The following TNC variants were observed in gnomAD, a reference collection of about 807,000 sequenced individuals.
TNC encodes tenascin.
A neutral mutation model predicts 202.4 loss-of-function variants in TNC; 109 were observed. The ratio of observed to expected loss-of-function variants is 0.54; its 90% CI spans 0.46 to 0.63. The LOEUF is 0.63. Among genes scored for constraint, TNC ranks in the 30% least tolerant of loss-of-function variants. TNC has a pLI of 0.00. For missense variants in TNC, 2,756 were observed against 2,833.3 expected (o/e 0.97, Z 0.62); for synonymous variants, 1,007 against 1,089.7 (o/e 0.92, Z 1.50).
At chr9:115,055,223 G>T (rs762342346) in intron 15 of TNC, among the ~76,000 whole-genome samples, 9 of 152,150 alleles carry the variant, frequency 5.9e-5, no homozygotes, top group Non-Finnish European at 1.0e-4. Flanking sequence ...AAGCAAGTCA[G>T]GTTAACTTTA....
At chr9:115,112,137 T>C (rs954327582) in intron 1 of TNC, among the ~76,000 whole-genome samples, 1 of 152,252 alleles carries the variant, frequency 6.6e-6, no homozygotes, top group African/African-American at 2.4e-5. Flanking sequence ...TGCTCATTTT[T>C]CTTTTCTAAA....
At chr9:115,080,895 GAAA>G (rs35253785) in intron 6 of TNC, among the ~76,000 whole-genome samples, 11 of 136,102 alleles carry the variant, frequency 8.1e-5, no homozygotes, top group African/African-American at 2.4e-4. Flanking sequence ...CTGGGTGACA[GAAA>G]AAAAAAAAAA....
chr9:115,029,448 C>T lies in TNC; in HGVS notation c.6081G>A (p.Leu2027=). The T allele has an allele frequency of 6.2e-7, 1 of 1,614,160 alleles. No homozygotes were observed. Among genetic ancestry groups the T allele is most frequent in the Non-Finnish European group, 8.5e-7 (1 of 1,179,990 alleles). ...AGTTCTCGCGTCCGTTTTTGCGTCT[C>T]AGGAACACCTATAAACATATCGATG... ...TSDGGGWIVF[L]RRKNGRENFY... The change falls in exon 25 of 28, where the codon CTG becomes CTA. Residue 2027 remains leucine, a synonymous_variant. Coordinates refer to ENST00000350763, the MANE Select transcript of TNC (RefSeq NM_002160.4).
At position 115,057,161 on chromosome 9, in the gene TNC, G is replaced by A; in HGVS notation, c.4571C>T (p.Ala1524Val). The A allele has an allele frequency of 6.2e-7, 1 of 1,612,196 alleles. No homozygotes were observed. The highest frequency in any genetic ancestry group is 1.1e-5 in the South Asian group (1 of 90,828). The change falls in exon 15 of 28, where the codon GCC becomes GTC. Residue 1524 changes from alanine to valine, a missense_variant. Physicochemically the swap from Ala to Val is moderately conservative, Grantham distance 64. Transcript: ENST00000350763. ...SIRTKTISAT[A>V]TTEALPLLEN... ...GGAGAATGCACATGTACCTGTCGTG[G>A]CTGTGGCACTGATGGTTTTGGTCCG...
intron 22 of TNC, among the ~76,000 whole-genome samples, chr9:115,034,640 G>T (rs1830182639): frequency 6.6e-6 from 1 of 152,146 alleles, no homozygotes; most frequent in African/African-American, 2.4e-5. Context: ...TATAAAGTGA[G>T]ATAACCAAAA....
chr9:115,115,157 A>C (rs1837370881), intron 1 of TNC: 1 of 152,180 alleles, frequency 6.6e-6, no homozygotes, highest in African/African-American at 2.4e-5. Flanking sequence ...TAGCATTAGA[A>C]AGGGTAGGAT....
chr9:115,108,231 T>C (rs1454266498), intron 1 of TNC, among the ~76,000 whole-genome samples: 1 of 152,206 alleles, frequency 6.6e-6, no homozygotes, highest in African/African-American at 2.4e-5. Flanking sequence ...CCCTTTAAAA[T>C]CTATGAAGCC....
intron 1 of TNC, among the ~76,000 whole-genome samples, chr9:115,115,362 T>G (rs1198901755): frequency 6.6e-6 from 1 of 152,180 alleles, no homozygotes; most frequent in Non-Finnish European, 1.5e-5. Flanking sequence ...CACGGCAGAA[T>G]GTACCTCTGA....
At chr9:115,110,949 G>A (rs1434513657) in intron 1 of TNC, among the ~76,000 whole-genome samples, 8 of 150,360 alleles carry the variant, frequency 5.3e-5, no homozygotes, top group South Asian at 4.2e-4. Context: ...GTGTGATCTC[G>A]GCTAACTGCA....
chr9:115,087,312 G>A (rs762884103), intron 2 of TNC, 39 bp from the exon 3 acceptor site: 3 of 1,594,964 alleles, frequency 1.9e-6, no homozygotes, highest in East Asian at 2.2e-5. Context: ...CCAGGCTTAA[G>A]CAGCCACATT....
At position 115,042,200 on chromosome 9, in the gene TNC, C is replaced by T; in HGVS notation, c.5248+19G>A. On this transcript the variant is annotated intron_variant, in intron 18 of 27. Coordinates refer to ENST00000350763, the MANE Select transcript of TNC (RefSeq NM_002160.4). ...ACCCACAACACTCCTCCTCTCTCTCCCCTTTCCGAGTCTCCTACCTCCTGT... is the reference window on the plus strand; with the variant it reads ...ACCCACAACACTCCTCCTCTCTCTCTCCTTTCCGAGTCTCCTACCTCCTGT... 6.2e-7 allele frequency: 1 copy of T among 1,611,844 alleles called. No individual in the cohort carries two copies. Among genetic ancestry groups the T allele is most frequent in the Non-Finnish European group, 8.5e-7 (1 of 1,178,740 alleles).
chr9:115,095,935 T>A (rs369116539), intron 1 of TNC, among the ~76,000 whole-genome samples: 1 of 152,058 alleles, frequency 6.6e-6, no homozygotes, highest in East Asian at 1.9e-4. Context: ...AGTCTTTGCA[T>A]TGGCACAAAA....
chr9:115,030,361 G>T lies in TNC; in HGVS notation c.5965C>A (p.Leu1989Met), dbSNP rs754492878. 3.1e-6 allele frequency: 5 copies of T among 1,613,424 alleles called. No individual in the cohort carries two copies. The highest frequency in any genetic ancestry group is 2.2e-5 in the East Asian group (1 of 44,854). The change falls in exon 24 of 28, where the codon CTG becomes ATG. Residue 1989 changes from leucine to methionine, a missense_variant. Transcript: ENST00000350763. ...AGGCCAGAGGTCGTGTCTCCATTCA[G>T]CATTGCTTGGGAGCAGTCCTTGGGG... is the stretch of plus-strand genomic sequence containing the variant. ...PFPKDCSQAM[L>M]NGDTTSGLYT...
Position 115,042,293 on chromosome 9 carries a change from G to C in TNC, c.5174C>G (p.Ser1725Trp). 1 of 1,614,096 alleles carries C rather than the reference G, an allele frequency of 6.2e-7. No individual in the cohort carries two copies. The highest frequency in any genetic ancestry group is 8.5e-7 in the Non-Finnish European group (1 of 1,179,954). The change falls in exon 18 of 28, where the codon TCG (serine) becomes TGG (tryptophan). Residue 1725 changes from serine (S) to tryptophan (W), a missense_variant. Coordinates refer to ENST00000350763, the MANE Select transcript of TNC (RefSeq NM_002160.4). ...EVIFSDITEN[S>W]ATVSWRAPTA... ...GGGTGCCCTCCAGCTGACAGTAGCC[G>C]AATTTTCAGTGATGTCTGAGAAAAT...
At chr9:115,085,328 G>T (rs1834627670) in intron 3 of TNC, among the ~76,000 whole-genome samples, 1 of 152,084 alleles carries the variant, frequency 6.6e-6, no homozygotes. Context: ...TAGATAATAG[G>T]CATTTCGTCT....
chr9:115,045,105 G>T (rs1831073873), intron 17 of TNC, among the ~76,000 whole-genome samples: 1 of 151,972 alleles, frequency 6.6e-6, no homozygotes, highest in African/African-American at 2.4e-5. Context: ...TCACCATTCT[G>T]GTCCTCAGAG....
intron 1 of TNC, among the ~76,000 whole-genome samples, chr9:115,096,704 C>T (rs888257085): frequency 6.6e-6 from 1 of 152,168 alleles, no homozygotes; most frequent in African/African-American, 2.4e-5. Context: ...TTGTAGTTTC[C>T]ATACCTTACA....
At chr9:115,022,859 T>A (rs936639799) in intron 27 of TNC, among the ~76,000 whole-genome samples, 3 of 152,028 alleles carry the variant, frequency 2.0e-5, no homozygotes, top group African/African-American at 7.2e-5. Flanking sequence ...TAAGGTAAGG[T>A]CTACACTTAA....
intron 1 of TNC, among the ~76,000 whole-genome samples, chr9:115,107,025 C>G (rs1296105897): frequency 1.3e-5 from 2 of 151,864 alleles, no homozygotes; most frequent in African/African-American, 2.4e-5. Flanking sequence ...TTCTGAACTT[C>G]TTTTAGGTAT....
Sources: allele counts gnomAD v4.1 joint callset (sites outside exome capture counted in the v4.1 genomes callset), GRCh38; gene constraint gnomAD v4.1.1; transcripts MANE v1.5; gene names NCBI Gene and HGNC (gene_info 2026-07-23, HGNC 2026-07-21).